Variants in ZFHX4 observed in about 807,000 individuals in gnomAD.
ZFHX4 encodes zinc finger homeobox 4.
ZFHX4 carries 56 observed loss-of-function variants against 267.6 expected under a neutral mutation model. The observed-to-expected ratio is 0.21, with a 90% CI of 0.17 to 0.26. The LOEUF (loss-of-function observed/expected upper bound fraction) is 0.26. Among genes scored for constraint, ZFHX4 ranks in the 10% least tolerant of loss-of-function variants. The pLI, the probability that ZFHX4 is intolerant of heterozygous loss-of-function variation, is 1.00. For synonymous variants in ZFHX4, 1,778 were observed against 1,665.6 expected (o/e 1.07, Z -1.64); for missense variants, 4,332 against 4,420.0 (o/e 0.98, Z 0.56).
chr8:76,708,445 G>A (rs902918374), intron 3 of ZFHX4, among the ~76,000 whole-genome samples: 1 of 151,150 alleles, frequency 6.6e-6, no homozygotes, highest in Non-Finnish European at 1.5e-5. Context: ...GCCTAACCTT[G>A]TGAATGCATA....
chr8:76,752,874 A>T (rs1158171098), intron 3 of ZFHX4, among the ~76,000 whole-genome samples: 1 of 152,170 alleles, frequency 6.6e-6, no homozygotes, highest in East Asian at 1.9e-4. Context: ...AACTTATGTA[A>T]TTACTTTTTC....
chr8:76,850,300 C>T lies in ZFHX4; in HGVS notation c.3902C>T (p.Ser1301Phe). 1 of 1,613,318 alleles carries T rather than the reference C, an allele frequency of 6.2e-7. No homozygotes were observed. The highest frequency in any genetic ancestry group is 8.5e-7 in the Non-Finnish European group (1 of 1,179,700). Reference protein sequence around the residue: ...PNSMLLPAAASEKSERDTPAA... With the variant: ...PNSMLLPAAAFEKSERDTPAA... ...AGTATGCTACTGCCAGCAGCTGCCT[C>T]TGAGAAATCAGAGCGGGACACACCT... The change falls in exon 9 of 11, where the codon TCT becomes TTT. Residue 1301 changes from serine to phenylalanine, a missense_variant. Around this residue, in one of 7 missense-constraint regions of ZFHX4, gnomAD observed 1,371 missense variants for 1,423.1 expected, o/e 0.96. Transcript: ENST00000651372.
chr8:76,770,962 T>G lies in ZFHX4; in HGVS notation c.3094-7246T>G, dbSNP rs187850094. ...CATGCAGGGCCCTTAGGTATAAGGA[T>G]TCCATTCTTAAACTTCAAAATGGAA... On this transcript the variant is annotated intron_variant, in intron 3 of 10. Transcript: ENST00000651372. 7.0e-4 allele frequency among the ~76,000 whole-genome samples: 106 copies of G among 152,204 alleles called. 1 individual carries two copies. The highest frequency in any genetic ancestry group is 2.9e-3 in the Admixed American group (45 of 15,280).
At chr8:76,681,890 G>A (rs897570352) in intron 1 of ZFHX4, among the ~76,000 whole-genome samples, 4 of 152,096 alleles carry the variant, frequency 2.6e-5, no homozygotes, top group Non-Finnish European at 4.4e-5. Flanking sequence ...AGGGAGGGAG[G>A]GGGCACTGAG....
intron 3 of ZFHX4, among the ~76,000 whole-genome samples, chr8:76,751,793 C>A (rs1214736749): frequency 1.3e-5 from 2 of 152,120 alleles, no homozygotes; most frequent in Non-Finnish European, 2.9e-5. Flanking sequence ...ATTTGCTTTG[C>A]ATCTCTGGGA....
At chr8:76,833,513 A>G (rs1811992637) in intron 5 of ZFHX4, 107 bp downstream of exon 5, 9 of 784,900 alleles carry the variant, frequency 1.1e-5, no homozygotes, top group South Asian at 1.0e-4. Context: ...CTCTAATTAG[A>G]TCTGATCATA....
chr8:76,747,789 G>A (rs1809499350), intron 3 of ZFHX4, among the ~76,000 whole-genome samples: 2 of 152,028 alleles, frequency 1.3e-5, no homozygotes, highest in Admixed American at 6.5e-5. Flanking sequence ...AAAATTAGCT[G>A]GGCGTGGTGG....
intron 3 of ZFHX4, among the ~76,000 whole-genome samples, chr8:76,770,687 A>G (rs1810240479): frequency 6.6e-6 from 1 of 152,196 alleles, no homozygotes; most frequent in Non-Finnish European, 1.5e-5. Flanking sequence ...AAAGTACAAC[A>G]AGGAAAAAAA....
In ZFHX4 at chr8:76,855,544, T is replaced by A; in HGVS notation, c.8623T>A (p.Phe2875Ile). ...TTCTCTCACAAGCCCATCCATCCAT[T>A]TCAATGACAAAGATGGCGACCACGA... ...LFSLTSPSIH[F>I]NDKDGDHDQS... The change falls in exon 10 of 11, where the codon TTC becomes ATC. Residue 2875 changes from phenylalanine (F) to isoleucine (I), a missense_variant. Phe to Ile is a conservative substitution (Grantham distance 21). Coordinates refer to ENST00000651372, the MANE Select transcript of ZFHX4 (RefSeq NM_024721.5). 6.2e-7 allele frequency: 1 copy of A among 1,613,834 alleles called. No homozygotes were observed. Among genetic ancestry groups the A allele is most frequent in the Non-Finnish European group, 8.5e-7 (1 of 1,179,860 alleles).
chr8:76,806,176 CTG>C (rs1811240746), intron 4 of ZFHX4, among the ~76,000 whole-genome samples: 1 of 152,138 alleles, frequency 6.6e-6, no homozygotes. Context: ...TTTTCTATCA[CTG>C]TTAAATTACA....
At chr8:76,702,146 C>G (rs1808121195) in intron 1 of ZFHX4, among the ~76,000 whole-genome samples, 1 of 152,124 alleles carries the variant, frequency 6.6e-6, no homozygotes, top group Admixed American at 6.6e-5. Context: ...GTTTTGAAAG[C>G]TGTATGCATG....
chr8:76,851,647 G>A lies in ZFHX4; in HGVS notation c.4726G>A (p.Ala1576Thr). The change falls in exon 10 of 11, where the codon GCC (alanine) becomes ACC (threonine). Residue 1576 changes from alanine to threonine, a missense_variant. Physicochemically the swap from Ala to Thr is moderately conservative, Grantham distance 58. This residue lies in a region of ZFHX4 where 1,371 missense variants were observed against 1,423.1 expected (regional missense o/e 0.96). Transcript: ENST00000651372. ...LHKLKKVLQE[A>T]SSPVPQETNS... ...TAAGCTGAAAAAAGTTTTGCAGGAA[G>A]CCTCCAGTCCTGTCCCACAAGAAAC... 3 of 1,613,748 alleles carry A rather than the reference G, an allele frequency of 1.9e-6. No homozygotes were observed. Among genetic ancestry groups the A allele is most frequent in the Non-Finnish European group, 2.5e-6 (3 of 1,179,830 alleles).
intron 5 of ZFHX4, among the ~76,000 whole-genome samples, chr8:76,837,758 C>T (rs1563550529): frequency 2.0e-5 from 3 of 152,032 alleles, no homozygotes; most frequent in African/African-American, 4.8e-5. Context: ...AGCAAGTAGG[C>T]AATATACAGA....
At chr8:76,824,057 G>A (rs576268230) in intron 4 of ZFHX4, among the ~76,000 whole-genome samples, 1 of 152,230 alleles carries the variant, frequency 6.6e-6, no homozygotes, top group South Asian at 2.1e-4. Flanking sequence ...ATTGTATCCC[G>A]ATTTTACAGA....
chr8:76,698,354 TA>T (rs1808012611), intron 1 of ZFHX4, among the ~76,000 whole-genome samples: 1 of 152,140 alleles, frequency 6.6e-6, no homozygotes, highest in Non-Finnish European at 1.5e-5. Flanking sequence ...GATTCCTCTC[TA>T]AGGAAAGTAG....
In ZFHX4 at chr8:76,866,872, T is replaced by C. The variant is rs1310989501; in HGVS notation, c.*2307T>C. 6.6e-6 allele frequency: 1 copy of C among 152,204 alleles called. No homozygotes were observed. The highest frequency in any genetic ancestry group is 1.5e-5 in the Non-Finnish European group (1 of 67,956). 9.4% of individuals were successfully genotyped at this position (152,204 alleles called of 1,614,324 possible). A position where few individuals can be genotyped will look rare whatever the true frequency, so the allele number is the denominator to read the frequency against. On this transcript the variant is annotated 3_prime_UTR_variant, in exon 11 of 11. Coordinates refer to ENST00000651372, the MANE Select transcript of ZFHX4 (RefSeq NM_024721.5). ...GAAATAAAAGGACAGCCTCCAAAGGTTGAGAATGAGAATTGTTTTTTCCTG... is the reference window on the plus strand; with the variant it reads ...GAAATAAAAGGACAGCCTCCAAAGGCTGAGAATGAGAATTGTTTTTTCCTG...
At chr8:76,790,872 G>C (rs1388623552) in intron 4 of ZFHX4, among the ~76,000 whole-genome samples, 1 of 152,106 alleles carries the variant, frequency 6.6e-6, no homozygotes, top group East Asian at 1.9e-4. Context: ...TTTCCATCCA[G>C]CCTTGCATGA....
At chr8:76,681,838 A>C (rs1176335703) in intron 1 of ZFHX4, among the ~76,000 whole-genome samples, 2 of 150,672 alleles carry the variant, frequency 1.3e-5, no homozygotes, top group Admixed American at 1.3e-4. Flanking sequence ...CCCCTTTTCT[A>C]TCTCTTTCCC....
intron 3 of ZFHX4, among the ~76,000 whole-genome samples, chr8:76,772,280 T>G (rs957731113): frequency 6.6e-6 from 1 of 152,166 alleles, no homozygotes; most frequent in Non-Finnish European, 1.5e-5. Context: ...TTTGGTTGCC[T>G]TGAGAGATTT....
Sources: gnomAD v4.1 joint callset for allele counts (sites outside exome capture counted in the v4.1 genomes callset) on GRCh38, gnomAD v4.1.1 for gene constraint, gnomAD v4.1.1 regional missense constraint, MANE v1.5 for transcripts, NCBI Gene and HGNC (gene_info 2026-07-23, HGNC 2026-07-21) for gene names.